RP1L1: variants seen among roughly 807,000 people sequenced by gnomAD.
RP1L1 encodes RP1 like 1.
Under a neutral mutation model 15.7 loss-of-function variants are expected in RP1L1, and 27 were observed. That is an observed-to-expected ratio of 1.72 (90% CI 1.27 to 2.38). RP1L1 has a LOEUF of 2.38. Ranked by LOEUF, RP1L1 falls within the 30% of genes most tolerant of loss-of-function variation. RP1L1 has a pLI of 0.00. For synonymous variants in RP1L1, 1,813 were observed against 1,276.7 expected (o/e 1.42, Z -8.96); for missense variants, 4,798 against 3,075.9 (o/e 1.56, Z -13.24).
At chr8:10,621,642 G>A (rs1361166008) in intron 2 of RP1L1, 3 of 455,866 alleles carry the variant, frequency 6.6e-6, no homozygotes, top group Admixed American at 2.3e-5. Context: ...TATTTATGAA[G>A]TATTGGTGGA....
intron 3 of RP1L1, 141 bp downstream of exon 3, chr8:10,616,305 G>A: frequency 2.8e-6 from 3 of 1,088,332 alleles, no homozygotes; most frequent in Non-Finnish European, 4.2e-6. Flanking sequence ...GAAGAGGCAA[G>A]AGAGATCCCA....
intron 3 of RP1L1, among the ~76,000 whole-genome samples, chr8:10,616,063 C>T (rs976952264): frequency 6.6e-6 from 1 of 152,084 alleles, no homozygotes; most frequent in African/African-American, 2.4e-5. Context: ...TGCCATTATG[C>T]CTGGCATATT....
At position 10,610,070 on chromosome 8, in the gene RP1L1, T is replaced by A. The variant is rs760625445; in HGVS notation, c.4028A>T (p.Glu1343Val). ...EEGVQLEETK[E>V]TEGEGQQEEE... Reference sequence around the variant, plus strand: ...TTCTTGCTGTCCTTCTCCTTCTGTTTCTTTAGTTTCCTCTAACTGCACCCC... The same window carrying A: ...TTCTTGCTGTCCTTCTCCTTCTGTTACTTTAGTTTCCTCTAACTGCACCCC... Residue 1343 changes from glutamate to valine, a missense_variant, in exon 4 of 4, where the codon GAA (glutamate) becomes GTA (valine). Transcript: ENST00000382483. 2.2e-4 allele frequency: 194 copies of A among 884,562 alleles called. No homozygotes were observed. In the African/African-American group the frequency reaches 5.4e-3, roughly 25 times the overall value. The allele number at this position is 884,562 out of a possible 1,614,324, so 54.8% of individuals were successfully genotyped here.
At chr8:10,617,736 T>C (rs533984172) in intron 2 of RP1L1, among the ~76,000 whole-genome samples, 5 of 152,052 alleles carry the variant, frequency 3.3e-5, no homozygotes, top group Non-Finnish European at 4.4e-5. Flanking sequence ...TTTTGTATTT[T>C]TAGTAGAGAC....
At chr8:10,620,195 G>T (rs369280653) in intron 2 of RP1L1, among the ~76,000 whole-genome samples, 1 of 152,178 alleles carries the variant, frequency 6.6e-6, no homozygotes, top group African/African-American at 2.4e-5. Context: ...ATGGATGTTA[G>T]TCCAGGGTCT....
At chr8:10,617,083 G>A (rs1221481000) in intron 2 of RP1L1, among the ~76,000 whole-genome samples, 3 of 151,940 alleles carry the variant, frequency 2.0e-5, no homozygotes, top group Non-Finnish European at 2.9e-5. Context: ...AGGGGAGAGG[G>A]GCTAGGCACC....
In RP1L1 at chr8:10,616,570, G is replaced by A. The variant is rs2117213432; in HGVS notation, c.627C>T (p.Ala209=). The A allele has an allele frequency of 6.2e-7, 1 of 1,612,920 alleles. No homozygotes were observed. The highest frequency in any genetic ancestry group is 1.7e-5 in the Admixed American group (1 of 60,028). ...CCAGCACAGAGGGGCTGTGCAGCAG[G>A]GCCTGCAGCGAGTCCACCTGAGGGA... ...TSGKKVDSLQ[A]LLHSPSVLVC... The change falls in exon 3 of 4, where the codon GCC becomes GCT. Residue 209 remains alanine (A), a synonymous_variant. Coordinates refer to ENST00000382483, the MANE Select transcript of RP1L1 (RefSeq NM_178857.6).
At chr8:10,615,973 C>T (rs1372652303) in intron 3 of RP1L1, among the ~76,000 whole-genome samples, 14 of 151,984 alleles carry the variant, frequency 9.2e-5, no homozygotes, top group Admixed American at 5.9e-4. Flanking sequence ...GGTGCGATCA[C>T]GGCTCACTGC....
At position 10,622,938 on chromosome 8, in the gene RP1L1, A is replaced by G; in HGVS notation, c.264T>C (p.His88=). The change falls in exon 2 of 4, where the codon CAT becomes CAC. Residue 88 remains histidine, a synonymous_variant. Transcript: ENST00000382483. ...CCAGCTGCTCCAGGGCGCTGAGGCT[A>G]TGCAGGCCCCGGGGTGTGGTGACAG... The part of the protein sequence containing the change: ...VRSVTTPRGL[H]SLSALEQLED... 6.2e-7 allele frequency: 1 copy of G among 1,614,034 alleles called. No homozygotes were observed. The highest frequency in any genetic ancestry group is 8.5e-7 in the Non-Finnish European group (1 of 1,179,976).
rs1240766963 is a variant in RP1L1 at position 10,622,689 on chromosome 8, A to G, written c.513T>C (p.Ser171=). ...DPRLQQTVVL[S]HRNTRNLAAF... ...CGGCCAGGTTCCTAGTATTCCTGTGACTGAGAACCACTGTCTGCTGGAGGC... is the reference window on the plus strand; with the variant it reads ...CGGCCAGGTTCCTAGTATTCCTGTGGCTGAGAACCACTGTCTGCTGGAGGC... Residue 171 remains serine, a synonymous_variant, in exon 2 of 4, where the codon AGT becomes AGC. Coordinates refer to ENST00000382483, the MANE Select transcript of RP1L1 (RefSeq NM_178857.6). 1.9e-6 allele frequency: 3 copies of G among 1,614,094 alleles called. No individual in the cohort carries two copies. In the East Asian group the frequency reaches 6.7e-5, roughly 36 times the overall value.
intron 1 of RP1L1, among the ~76,000 whole-genome samples, chr8:10,632,038 G>C (rs2117243601): frequency 6.6e-6 from 1 of 152,296 alleles, no homozygotes; most frequent in East Asian, 1.9e-4. Context: ...GTGGGCAGTG[G>C]GGGAGGGAGC....
chr8:10,623,900 T>C lies in RP1L1; in HGVS notation c.-19-680A>G, dbSNP rs150354085. Among the ~76,000 whole-genome samples, 298 of 151,192 alleles carry C rather than the reference T, an allele frequency of 2.0e-3. 2 individuals are homozygous for C. The highest frequency in any genetic ancestry group is 7.0e-3 in the African/African-American group (288 of 41,162). On this transcript the variant is annotated intron_variant, in intron 1 of 3. Transcript: ENST00000382483. ...CACCACTATGTTCCCAGCACCTCCATGTCCCCAGCATCACCATGTCCCAGA... is the reference window on the plus strand; with the variant it reads ...CACCACTATGTTCCCAGCACCTCCACGTCCCCAGCATCACCATGTCCCAGA...
At chr8:10,651,169 A>G (rs1563142926) in intron 1 of RP1L1, among the ~76,000 whole-genome samples, 1 of 152,186 alleles carries the variant, frequency 6.6e-6, no homozygotes, top group Non-Finnish European at 1.5e-5. Context: ...CCCATACCAG[A>G]GGTTCTCACA....
At chr8:10,628,600 G>A (rs945727500) in intron 1 of RP1L1, among the ~76,000 whole-genome samples, 2 of 152,158 alleles carry the variant, frequency 1.3e-5, no homozygotes, top group African/African-American at 4.8e-5. Flanking sequence ...CTCTGGGCTG[G>A]CCATGGAGCC....
rs1187926971 is a variant in RP1L1 at position 10,613,028 on chromosome 8, G to C, written c.1070C>G (p.Pro357Arg). Residue 357 changes from proline to arginine, a missense_variant, in exon 4 of 4, where the codon CCC (proline) becomes CGC (arginine). Transcript: ENST00000382483. ...SALTAASGED[P>R]VLGEVDPLCC... The stretch of plus-strand genomic sequence containing the variant: ...GAGGGGGTCTACCTCCCCCAGAACG[G>C]GGTCTTCCCCACTGGCTGCCGTGAG... The C allele has an allele frequency of 3.3e-5, 54 of 1,613,442 alleles. No individual in the cohort carries two copies. The highest frequency in any genetic ancestry group is 4.4e-5 in the Non-Finnish European group (52 of 1,180,020).
In RP1L1 at chr8:10,611,671, C is replaced by T. The variant is rs750046792; in HGVS notation, c.2427G>A (p.Gln809=). ...TPQPSSPLVL[Q]VGRPEQGAVG... Reference sequence around the variant, plus strand: ...CCGCCCCTTGCTCAGGCCGTCCAACCTGCAGAACCAAGGGTGAGGAGGGCT... The same window carrying T: ...CCGCCCCTTGCTCAGGCCGTCCAACTTGCAGAACCAAGGGTGAGGAGGGCT... Residue 809 remains glutamine, a synonymous_variant, in exon 4 of 4, where the codon CAG becomes CAA. Transcript: ENST00000382483. 6.2e-7 allele frequency: 1 copy of T among 1,613,352 alleles called. No individual in the cohort carries two copies. Among genetic ancestry groups the T allele is most frequent in the East Asian group, 2.2e-5 (1 of 44,890 alleles).
chr8:10,633,067 A>C (rs187853194), intron 1 of RP1L1, among the ~76,000 whole-genome samples: 2 of 152,184 alleles, frequency 1.3e-5, no homozygotes, highest in African/African-American at 4.8e-5. Flanking sequence ...GCAGTGTCCA[A>C]TTCTCTGCAT....
intron 3 of RP1L1, among the ~76,000 whole-genome samples, chr8:10,613,721 G>C (rs975423700): frequency 3.3e-5 from 5 of 151,538 alleles, no homozygotes; most frequent in East Asian, 1.9e-4. Flanking sequence ...CTGAGTCCCA[G>C]AGTTGGAGGC....
chr8:10,644,285 CAAAAAAA>C (rs35056017), intron 1 of RP1L1, among the ~76,000 whole-genome samples: 2 of 132,708 alleles, frequency 1.5e-5, no homozygotes, highest in African/African-American at 2.7e-5. Context: ...ACCTTCTTCT[CAAAAAAA>C]AAAAAAAATG....
Sources: gnomAD v4.1 joint callset for allele counts (sites outside exome capture counted in the v4.1 genomes callset) on GRCh38, gnomAD v4.1.1 for gene constraint, MANE v1.5 for transcripts, NCBI Gene and HGNC (gene_info 2026-07-23, HGNC 2026-07-21) for gene names.